The following ARNT2 variants were observed in gnomAD, a reference collection of about 807,000 sequenced individuals.
ARNT2 encodes aryl hydrocarbon receptor nuclear translocator 2, also known as ARNT protein 2.
A neutral mutation model predicts 91.7 loss-of-function variants in ARNT2; 36 were observed. The ratio of observed to expected loss-of-function variants is 0.39; its 90% CI spans 0.30 to 0.52. The LOEUF is 0.52. Among genes scored for constraint, ARNT2 ranks in the 20% least tolerant of loss-of-function variants. The probability of loss-of-function intolerance (pLI) is 0.72; values close to 1 mark genes in which losing one functional copy is unlikely to be tolerated. For synonymous variants in ARNT2, 365 were observed against 347.1 expected, an observed-to-expected ratio of 1.05 and a Z score of -0.57; for missense variants, 775 against 939.3, an observed-to-expected ratio of 0.83 and a Z score of 2.29.
intron 1 of ARNT2, among the ~76,000 whole-genome samples, chr15:80,416,147 C>G (rs183632638): frequency 9.2e-5 from 14 of 152,346 alleles, no homozygotes; most frequent in Non-Finnish European, 1.6e-4. Context: ...GTGTCCATCA[C>G]AAGGTTTTGT....
At chr15:80,420,422 A>G (rs1489112593) in intron 1 of ARNT2, among the ~76,000 whole-genome samples, 1 of 152,152 alleles carries the variant, frequency 6.6e-6, no homozygotes, top group Admixed American at 6.5e-5. Context: ...TTTATTGGAT[A>G]TATACTGAAA....
intron 8 of ARNT2, among the ~76,000 whole-genome samples, chr15:80,532,807 A>G (rs1302947404): frequency 3.3e-5 from 5 of 152,248 alleles, no homozygotes; most frequent in Non-Finnish European, 5.9e-5. Context: ...TCATTTTCAG[A>G]AATGGAATGA....
At chr15:80,546,678 G>T (rs1897995911) in intron 8 of ARNT2, among the ~76,000 whole-genome samples, 2 of 152,130 alleles carry the variant, frequency 1.3e-5, no homozygotes, top group African/African-American at 2.4e-5. Flanking sequence ...AGAAATAGAG[G>T]CAATGGCTGG....
At chr15:80,518,955 T>C (rs1897487411) in intron 8 of ARNT2, among the ~76,000 whole-genome samples, 1 of 152,216 alleles carries the variant, frequency 6.6e-6, no homozygotes, top group Non-Finnish European at 1.5e-5. Flanking sequence ...GGTTTTTCAC[T>C]GTGAGAACCT....
Position 80,478,408 on chromosome 15 carries a change from G to A in ARNT2, c.622+3185G>A, listed in dbSNP as rs529368008. ...TGTGTCTGGGAGAGTTTAAACAGGC[G>A]ATGTGAACCACATTTGGACAGAAAT... On this transcript the variant is annotated intron_variant, in intron 5 of 18. Coordinates refer to ENST00000303329, the MANE Select transcript of ARNT2 (RefSeq NM_014862.4). Among the ~76,000 whole-genome samples the A allele has an allele frequency of 2.9e-4, 44 of 152,300 alleles. No homozygotes were observed. In the South Asian group the frequency reaches 5.8e-3, roughly 20 times the overall value.
chr15:80,421,419 AGGAG>A (rs71153536), intron 1 of ARNT2, among the ~76,000 whole-genome samples: 25,582 of 124,504 alleles, frequency 0.21, 2,580 homozygotes, highest in Middle Eastern at 0.28. Flanking sequence ...AAGGAAGGAA[AGGAG>A]GGAGGGAGGG....
intron 8 of ARNT2, among the ~76,000 whole-genome samples, chr15:80,514,646 G>C (rs1033630200): frequency 6.6e-6 from 1 of 152,222 alleles, no homozygotes; most frequent in Non-Finnish European, 1.5e-5. Flanking sequence ...CAGCACTTTG[G>C]GGGGCCAAGG....
At chr15:80,405,259 T>C (rs1895582629) in intron 1 of ARNT2, among the ~76,000 whole-genome samples, 1 of 152,258 alleles carries the variant, frequency 6.6e-6, no homozygotes, top group African/African-American at 2.4e-5. Flanking sequence ...TGACTTGTTT[T>C]GGTATTGTAG....
intron 9 of ARNT2, 116 bp from the exon 10 acceptor site, chr15:80,552,524 A>C: frequency 7.5e-7 from 1 of 1,335,860 alleles, no homozygotes; most frequent in Non-Finnish European, 1.0e-6. Flanking sequence ...ATCGTACTAA[A>C]TGACATGGAA....
At chr15:80,585,838 G>A (rs1402633132) in intron 17 of ARNT2, among the ~76,000 whole-genome samples, 3 of 152,212 alleles carry the variant, frequency 2.0e-5, no homozygotes, top group African/African-American at 7.2e-5. Flanking sequence ...CACTGCAGGA[G>A]GAAAGAAACA....
intron 1 of ARNT2, among the ~76,000 whole-genome samples, chr15:80,429,194 T>A (rs1895974300): frequency 6.6e-6 from 1 of 152,030 alleles, no homozygotes; most frequent in Non-Finnish European, 1.5e-5. Flanking sequence ...TGTGTATTAA[T>A]GAGATGACCT....
At chr15:80,411,524 G>A (rs1895680195) in intron 1 of ARNT2, among the ~76,000 whole-genome samples, 1 of 152,156 alleles carries the variant, frequency 6.6e-6, no homozygotes, top group South Asian at 2.1e-4. Context: ...ACTTTTATTT[G>A]TGGAAACTGA....
At chr15:80,577,031 CAG>C in intron 15 of ARNT2, 66 bp downstream of exon 15, 1 of 1,484,514 alleles carries the variant, frequency 6.7e-7, no homozygotes, top group Non-Finnish European at 9.4e-7. Context: ...CCCTGGGTCT[CAG>C]AGCACAGCTC....
In ARNT2 at chr15:80,591,446, G is replaced by A. The variant is rs186143123; in HGVS notation, c.1919-122G>A. On this transcript the variant is annotated intron_variant, in intron 17 of 18. Coordinates refer to ENST00000303329, the MANE Select transcript of ARNT2 (RefSeq NM_014862.4). This position sits in a 1 kb window ranked among gnomAD's most constrained non-coding sequence, Gnocchi z 5.1. ...AAGACGAGGATAGCAAACACATTCC[G>A]CCAGCTCTGGATGGAACGTGCCTTT... 57 of 1,265,480 alleles carry A rather than the reference G, an allele frequency of 4.5e-5. No homozygotes were observed. Among genetic ancestry groups the A allele is most frequent in the Non-Finnish European group, 4.9e-5 (44 of 889,002 alleles). 78.4% of individuals were successfully genotyped at this position (1,265,480 alleles called of 1,614,324 possible). A position where few individuals can be genotyped will look rare whatever the true frequency, so the allele number is the denominator to read the frequency against.
chr15:80,516,828 A>AATATATATATATATAT (rs56146872), intron 8 of ARNT2, among the ~76,000 whole-genome samples: 11,656 of 73,766 alleles, frequency 0.16, 1,979 homozygotes, highest in Non-Finnish European at 0.18. Flanking sequence ...TACAATTACA[A>AATATATATATATATAT]ATATATATAT....
Position 80,593,873 on chromosome 15 carries a change from C to G in ARNT2, c.*175C>G. ...ATTGCTCCACTCTCCCCTGCAGCCG[C>G]GGCTGCTCGGCCACTGACCAGGGGC... On this transcript the variant is annotated 3_prime_UTR_variant, in exon 19 of 19. Transcript: ENST00000303329. 1 of 594,416 alleles carries G rather than the reference C, an allele frequency of 1.7e-6. No homozygotes were observed. The allele number at this position is 594,416 out of a possible 1,614,324, so 36.8% of individuals were successfully genotyped here.
intron 2 of ARNT2, among the ~76,000 whole-genome samples, chr15:80,454,865 G>A (rs1896458529): frequency 6.6e-6 from 1 of 152,196 alleles, no homozygotes; most frequent in African/African-American, 2.4e-5. Flanking sequence ...TTTCTGTCGA[G>A]GCAGGCATTC....
chr15:80,554,887 G>A lies in ARNT2; in HGVS notation c.1090-178G>A, dbSNP rs1596010551. 6.4e-5 allele frequency: 37 copies of A among 576,414 alleles called. No homozygotes were observed. The East Asian group carries it at 1.0e-3, about 16-fold the overall frequency. 35.7% of individuals were successfully genotyped at this position (576,414 alleles called of 1,614,324 possible). On this transcript the variant is annotated intron_variant, in intron 10 of 18. Coordinates refer to ENST00000303329, the MANE Select transcript of ARNT2 (RefSeq NM_014862.4). Reference sequence around the variant, plus strand: ...AAGAACTTAGAGTGAATACCAAGAAGCCAGTTCTCTGACGGCTCCCAGGGA... The same window carrying A: ...AAGAACTTAGAGTGAATACCAAGAAACCAGTTCTCTGACGGCTCCCAGGGA...
chr15:80,459,854 G>T (rs139286881), intron 3 of ARNT2, among the ~76,000 whole-genome samples: 2 of 152,176 alleles, frequency 1.3e-5, no homozygotes, highest in Non-Finnish European at 2.9e-5. Context: ...TTGTAGGACC[G>T]CAGAGGCCCA....
Sources: allele counts gnomAD v4.1 joint callset (sites outside exome capture counted in the v4.1 genomes callset), GRCh38; gene constraint gnomAD v4.1.1; non-coding constraint Gnocchi (gnomAD v3.1); transcripts MANE v1.5; gene names NCBI Gene and HGNC (gene_info 2026-07-23, HGNC 2026-07-21).